Variants in SORL1 observed in about 807,000 individuals in gnomAD.
SORL1 encodes sortilin-related receptor.
A neutral mutation model predicts 273.7 loss-of-function variants in SORL1; 127 were observed. The observed-to-expected ratio is 0.46, with a 90% CI of 0.40 to 0.54. The LOEUF (loss-of-function observed/expected upper bound fraction) is 0.54, where lower values mean the gene tolerates loss of function less well. SORL1 is among the 20% of genes least tolerant of loss of function. The pLI is 0.00. For synonymous variants in SORL1, 1,031 were observed against 1,067.4 expected (o/e 0.97, Z 0.66); for missense variants, 2,494 against 2,846.1 (o/e 0.88, Z 2.81).
At chr11:121,541,631 A>G (rs1862351805) in intron 12 of SORL1, among the ~76,000 whole-genome samples, 1 of 152,248 alleles carries the variant, frequency 6.6e-6, no homozygotes, top group African/African-American at 2.4e-5. Context: ...AACATGAGAA[A>G]GGTGAAAGAA....
chr11:121,478,098 T>A lies in SORL1; in HGVS notation c.403-20T>A. The A allele has an allele frequency of 6.4e-7, 1 of 1,574,332 alleles. No individual in the cohort carries two copies. Among genetic ancestry groups the A allele is most frequent in the Non-Finnish European group, 8.6e-7 (1 of 1,156,286 alleles). ...TCTCACCAACTCTTTCTTTTTCATC[T>A]CCTTTTCTCTGTATTCCAGGTGTAC... is the stretch of plus-strand genomic sequence containing the variant. On this transcript the variant is annotated intron_variant, in intron 2 of 47. Coordinates refer to ENST00000260197, the MANE Select transcript of SORL1 (RefSeq NM_003105.6).
intron 45 of SORL1, among the ~76,000 whole-genome samples, chr11:121,624,236 T>C (rs1863762934): frequency 3.3e-5 from 5 of 152,154 alleles, no homozygotes; most frequent in Admixed American, 6.5e-5. Flanking sequence ...GTCAGTGGTA[T>C]TGGGATCAAG....
chr11:121,482,451 G>T (rs1220491334), intron 3 of SORL1, among the ~76,000 whole-genome samples: 1 of 152,218 alleles, frequency 6.6e-6, no homozygotes, highest in African/African-American at 2.4e-5. Context: ...CTCAGGCCTG[G>T]AACAGGCTGA....
At chr11:121,455,314 G>T (rs1302205972) in intron 1 of SORL1, among the ~76,000 whole-genome samples, 1 of 152,190 alleles carries the variant, frequency 6.6e-6, no homozygotes, top group African/African-American at 2.4e-5. Context: ...GGGGTGGTGG[G>T]CTCAGACACT....
intron 3 of SORL1, among the ~76,000 whole-genome samples, chr11:121,479,895 T>A (rs1861345775): frequency 6.6e-6 from 1 of 152,168 alleles, no homozygotes; most frequent in Non-Finnish European, 1.5e-5. Context: ...CCCCCTGAGA[T>A]GAAAAGCAAG....
At chr11:121,492,960 G>A (rs928909897) in intron 5 of SORL1, among the ~76,000 whole-genome samples, 7 of 151,314 alleles carry the variant, frequency 4.6e-5, no homozygotes, top group African/African-American at 7.3e-5. Flanking sequence ...CTGCCACCAC[G>A]CCTGGCTAAT....
rs543061305 is a variant in SORL1, at chr11:121,607,430, C to T, written c.5166+140C>T. ...AAATACCCAACTTCTTGCCCTGGGA[C>T]GGGGGAGCTCAGAGTTTCTTTCAGT... On this transcript the variant is annotated intron_variant, in intron 37 of 47. Transcript: ENST00000260197. 1.3e-4 allele frequency: 65 copies of T among 501,558 alleles called. No individual in the cohort carries two copies. The East Asian group carries it at 1.4e-3, about 10-fold the overall frequency. The allele number at this position is 501,558 out of a possible 1,614,324, so 31.1% of individuals were successfully genotyped here. A position where few individuals can be genotyped will look rare whatever the true frequency, so the allele number is the denominator to read the frequency against.
At chr11:121,615,669 C>T (rs1375601776) in intron 41 of SORL1, among the ~76,000 whole-genome samples, 4 of 152,066 alleles carry the variant, frequency 2.6e-5, no homozygotes, top group Non-Finnish European at 5.9e-5. Flanking sequence ...AGGAACTAGC[C>T]TAGGTCTGGT....
chr11:121,585,217 C>T (rs1057223814), intron 26 of SORL1, among the ~76,000 whole-genome samples: 1 of 152,172 alleles, frequency 6.6e-6, no homozygotes, highest in African/African-American at 2.4e-5. Flanking sequence ...GGTATGGTGG[C>T]TCACGCCTGT....
rs1260116967 is a variant in SORL1, at chr11:121,563,718, A to G, written c.3050-3222A>G. ...GGCCACTAGCTGGTTTTTAAATGGT[A>G]TAACTGGAATTTATTCTTTGTAAAG... is the stretch of plus-strand genomic sequence containing the variant. On this transcript the variant is annotated intron_variant, in intron 21 of 47. Coordinates refer to ENST00000260197, the MANE Select transcript of SORL1 (RefSeq NM_003105.6). The surrounding 1 kb of genome is among the most constrained non-coding windows in gnomAD (Gnocchi z 4.2). Among the ~76,000 whole-genome samples, 1 of 152,180 alleles carries G rather than the reference A, an allele frequency of 6.6e-6. No homozygotes were observed. The highest frequency in any genetic ancestry group is 2.1e-4 in the South Asian group (1 of 4,828).
chr11:121,626,895 G>C (rs1261529872), intron 46 of SORL1: 2 of 152,688 alleles, frequency 1.3e-5, no homozygotes, highest in Non-Finnish European at 2.9e-5. Flanking sequence ...AATCATCACA[G>C]AGCCTGTTTG....
intron 5 of SORL1, 116 bp from the exon 6 acceptor site, chr11:121,496,753 C>T (rs1306352505): frequency 7.7e-6 from 6 of 775,960 alleles, no homozygotes; most frequent in Non-Finnish European, 1.2e-5. Flanking sequence ...AGAGTATGAT[C>T]TGTGGGTCAC....
chr11:121,494,714 G>A (rs930027353), intron 5 of SORL1, among the ~76,000 whole-genome samples: 1 of 152,086 alleles, frequency 6.6e-6, no homozygotes, highest in African/African-American at 2.4e-5. Flanking sequence ...AAGAAAATTG[G>A]GATGAAAGTC....
In SORL1 at chr11:121,630,726, G is replaced by C. The variant is rs1050148073; in HGVS notation, c.*1163G>C. On this transcript the variant is annotated 3_prime_UTR_variant, in exon 48 of 48. Transcript: ENST00000260197. ...CATAGAGATAGAGAAGATCTAAAAA[G>C]TTGAGACTACTCAATCCAGTTAACA... 1.3e-5 allele frequency: 2 copies of C among 152,120 alleles called. No individual in the cohort carries two copies. The highest frequency in any genetic ancestry group is 2.4e-5 in the African/African-American group (1 of 41,416). The allele number at this position is 152,120 out of a possible 1,614,324, so 9.4% of individuals were successfully genotyped here. A position where few individuals can be genotyped will look rare whatever the true frequency, so the allele number is the denominator to read the frequency against.
intron 1 of SORL1, among the ~76,000 whole-genome samples, chr11:121,467,923 GC>G (rs1861108786): frequency 6.6e-6 from 1 of 152,140 alleles, no homozygotes; most frequent in Non-Finnish European, 1.5e-5. Flanking sequence ...AAGTAAGGTC[GC>G]CTTTCAAATG....
At chr11:121,482,626 C>T (rs1209588928) in intron 3 of SORL1, among the ~76,000 whole-genome samples, 1 of 152,246 alleles carries the variant, frequency 6.6e-6, no homozygotes. Context: ...ATTGCCCCAC[C>T]AGACCTACCA....
intron 31 of SORL1, among the ~76,000 whole-genome samples, chr11:121,592,105 A>C (rs1591342889): frequency 6.6e-6 from 1 of 152,186 alleles, no homozygotes; most frequent in East Asian, 1.9e-4. Flanking sequence ...CAGCCAAGCT[A>C]GATTCCTGAT....
chr11:121,605,349 C>T lies in SORL1; in HGVS notation c.4779-53C>T, dbSNP rs1863452954. The T allele has an allele frequency of 2.3e-5, 37 of 1,583,896 alleles. No homozygotes were observed. The South Asian group carries it at 3.3e-4, about 14-fold the overall frequency. The stretch of plus-strand genomic sequence containing the variant: ...ATGCTATTAACGGAGTCAGACATCT[C>T]AGCCCCCCATGCTGCTCCAGTGTGA... On this transcript the variant is annotated intron_variant, in intron 34 of 47. Transcript: ENST00000260197.
chr11:121,497,486 T>C (rs888750046), intron 6 of SORL1, among the ~76,000 whole-genome samples: 1 of 152,188 alleles, frequency 6.6e-6, no homozygotes, highest in African/African-American at 2.4e-5. Context: ...ACATGGCTAA[T>C]AGGATGTGTA....
Sources: gnomAD v4.1 joint callset for allele counts (sites outside exome capture counted in the v4.1 genomes callset) on GRCh38, gnomAD v4.1.1 for gene constraint, Gnocchi (gnomAD v3.1) non-coding constraint, MANE v1.5 for transcripts, NCBI Gene and HGNC (gene_info 2026-07-23, HGNC 2026-07-21) for gene names.